The following SIPA1L2 variants were observed in gnomAD, a reference collection of about 807,000 sequenced individuals.
The protein encoded by SIPA1L2 is signal-induced proliferation-associated 1-like protein 2.
SIPA1L2 carries 56 observed loss-of-function variants against 163.9 expected under a neutral mutation model. The observed-to-expected ratio is 0.34, with a 90% CI of 0.28 to 0.43. SIPA1L2 has a LOEUF of 0.43. SIPA1L2 is among the 20% of genes least tolerant of loss of function. The probability of loss-of-function intolerance (pLI) is 1.00; values close to 1 mark genes in which losing one functional copy is unlikely to be tolerated. For synonymous variants in SIPA1L2, 877 were observed against 865.7 expected (o/e 1.01, Z -0.23); for missense variants, 1,974 against 2,193.5 (o/e 0.90, Z 2.00).
intron 2 of SIPA1L2, among the ~76,000 whole-genome samples, chr1:232,565,017 G>A (rs981628696): frequency 3.3e-5 from 5 of 152,156 alleles, no homozygotes; most frequent in African/African-American, 1.2e-4. Flanking sequence ...GTATACCTAT[G>A]TAATAAACCG....
chr1:232,567,080 C>A (rs978147178), intron 2 of SIPA1L2, among the ~76,000 whole-genome samples: 1 of 152,234 alleles, frequency 6.6e-6, no homozygotes, highest in East Asian at 1.9e-4. Flanking sequence ...AAGTCACTAC[C>A]CTTGGGGCAC....
intron 7 of SIPA1L2, among the ~76,000 whole-genome samples, chr1:232,475,345 T>C (rs1664988495): frequency 6.6e-6 from 1 of 152,202 alleles, no homozygotes; most frequent in Non-Finnish European, 1.5e-5. Flanking sequence ...GAGGGTTGGC[T>C]TTTCCTCTTT....
At chr1:232,578,807 A>C (rs1660215858) in intron 1 of SIPA1L2, among the ~76,000 whole-genome samples, 1 of 152,236 alleles carries the variant, frequency 6.6e-6, no homozygotes, top group Non-Finnish European at 1.5e-5. Context: ...CTGACAGGAA[A>C]GGAAACCACA....
intron 2 of SIPA1L2, among the ~76,000 whole-genome samples, chr1:232,524,516 C>A (rs1042242596): frequency 6.6e-5 from 10 of 152,096 alleles, no homozygotes; most frequent in African/African-American, 2.2e-4. Context: ...TCTGAAAAAT[C>A]TACCCAAGAA....
At chr1:232,604,312 T>G (rs1349273250) in intron 1 of SIPA1L2, among the ~76,000 whole-genome samples, 1 of 152,232 alleles carries the variant, frequency 6.6e-6, no homozygotes, top group Non-Finnish European at 1.5e-5. Context: ...TCCACTTTTA[T>G]AGTCTGTTGT....
intron 2 of SIPA1L2, among the ~76,000 whole-genome samples, chr1:232,570,666 A>C (rs1276120475): frequency 6.6e-6 from 1 of 152,200 alleles, no homozygotes; most frequent in Admixed American, 6.5e-5. Context: ...TTATTCAAGG[A>C]AGCACACCTT....
intron 2 of SIPA1L2, among the ~76,000 whole-genome samples, chr1:232,558,442 G>A (rs16857655): frequency 4.6e-5 from 7 of 152,130 alleles, no homozygotes; most frequent in Non-Finnish European, 7.3e-5. Context: ...CAAATGTGCC[G>A]GGCAACCTGC....
At chr1:232,510,849 G>T (rs1434089044) in intron 3 of SIPA1L2, among the ~76,000 whole-genome samples, 2 of 152,040 alleles carry the variant, frequency 1.3e-5, no homozygotes, top group Non-Finnish European at 2.9e-5. Context: ...TGAGACGCTG[G>T]CACTAAGTTT....
At chr1:232,629,738 C>A (rs1053276914) in intron 1 of SIPA1L2, among the ~76,000 whole-genome samples, 131 bp downstream of exon 1, 3 of 151,974 alleles carry the variant, frequency 2.0e-5, no homozygotes, top group East Asian at 3.9e-4. Flanking sequence ...GCCCCTCGCA[C>A]CCCTCGCCGC....
chr1:232,547,951 T>C (rs1306356300), intron 2 of SIPA1L2, among the ~76,000 whole-genome samples: 2 of 152,210 alleles, frequency 1.3e-5, no homozygotes, highest in African/African-American at 4.8e-5. Flanking sequence ...ACATCTGTGC[T>C]GTGCAAAGGT....
chr1:232,445,786 T>C lies in SIPA1L2; in HGVS notation c.3096A>G (p.Arg1032=). 6.2e-7 allele frequency: 1 copy of C among 1,611,764 alleles called. No individual in the cohort carries two copies. Among genetic ancestry groups the C allele is most frequent in the East Asian group, 2.2e-5 (1 of 44,836 alleles). ...IQPHDDGSPR[R]GCSELCRIPM... ...GGATCCGGCAGAGCTCTGAACACCCTCTGTTGGGCCAAGAAGAAATGGTGA... is the reference window on the plus strand; with the variant it reads ...GGATCCGGCAGAGCTCTGAACACCCCCTGTTGGGCCAAGAAGAAATGGTGA... The change falls in exon 11 of 23, where the codon AGA becomes AGG. Residue 1032 remains arginine, a splice_region_variant and synonymous_variant. Coordinates refer to ENST00000674635, the MANE Select transcript of SIPA1L2 (RefSeq NM_020808.5).
At chr1:232,491,170 T>A in intron 4 of SIPA1L2, 108 bp from the exon 5 acceptor site, 1 of 1,014,594 alleles carries the variant, frequency 9.9e-7, no homozygotes, top group Non-Finnish European at 1.4e-6. Flanking sequence ...CAAGGCTCTT[T>A]CTGAGTGTAG....
At chr1:232,408,343 T>G (rs1355598000) in intron 19 of SIPA1L2, among the ~76,000 whole-genome samples, 1 of 151,996 alleles carries the variant, frequency 6.6e-6, no homozygotes, top group Non-Finnish European at 1.5e-5. Flanking sequence ...CACTTATTAA[T>G]TTTTTTAAAT....
At chr1:232,537,673 C>T (rs552742650) in intron 2 of SIPA1L2, among the ~76,000 whole-genome samples, 1 of 152,292 alleles carries the variant, frequency 6.6e-6, no homozygotes. Context: ...AACCACAGCT[C>T]TACTTACTAG....
chr1:232,526,803 G>T (rs1667734373), intron 2 of SIPA1L2, among the ~76,000 whole-genome samples: 1 of 152,150 alleles, frequency 6.6e-6, no homozygotes, highest in Non-Finnish European at 1.5e-5. Context: ...AGACAGGGAG[G>T]CCAGGGCTGT....
At chr1:232,620,676 T>C (rs1054159372) in intron 1 of SIPA1L2, among the ~76,000 whole-genome samples, 2 of 152,204 alleles carry the variant, frequency 1.3e-5, no homozygotes, top group African/African-American at 4.8e-5. Flanking sequence ...CAGAGCAAAG[T>C]AGTTACTGCA....
intron 1 of SIPA1L2, among the ~76,000 whole-genome samples, chr1:232,575,994 G>A (rs572540386): frequency 6.6e-6 from 1 of 152,304 alleles, no homozygotes; most frequent in South Asian, 2.1e-4. Flanking sequence ...AAATCAGAAA[G>A]TACAACGGTG....
chr1:232,523,405 A>G (rs928646670), intron 2 of SIPA1L2, among the ~76,000 whole-genome samples: 2 of 152,176 alleles, frequency 1.3e-5, no homozygotes, highest in African/African-American at 2.4e-5. Flanking sequence ...CAGCAATGTG[A>G]CCCCTGAATT....
At chr1:232,593,181 AAT>A (rs1320830849) in intron 1 of SIPA1L2, among the ~76,000 whole-genome samples, 2 of 152,226 alleles carry the variant, frequency 1.3e-5, no homozygotes, top group Non-Finnish European at 2.9e-5. Context: ...GAAAAACAAT[AAT>A]ATATATTTTT....
Sources: gnomAD v4.1 joint callset for allele counts (sites outside exome capture counted in the v4.1 genomes callset) on GRCh38, gnomAD v4.1.1 for gene constraint, MANE v1.5 for transcripts, NCBI Gene and HGNC (gene_info 2026-07-23, HGNC 2026-07-21) for gene names.